Variants in PPEF2 observed in about 807,000 individuals in gnomAD.
PPEF2 encodes the protein protein phosphatase with EF-hand domain 2, also known as serine/threonine-protein phosphatase with EF-hands 2.
PPEF2 carries 84 observed loss-of-function variants against 84.7 expected under a neutral mutation model. The observed-to-expected ratio is 0.99, with a 90% CI of 0.83 to 1.19. The LOEUF (loss-of-function observed/expected upper bound fraction) is 1.19. Ranked by LOEUF, PPEF2 falls within the 50% of genes most tolerant of loss-of-function variation. The pLI, the probability that PPEF2 is intolerant of heterozygous loss-of-function variation, is 0.00. For missense variants in PPEF2, 924 were observed against 937.5 expected (o/e 0.99, Z 0.19); for synonymous variants, 346 against 345.2 (o/e 1.00, Z -0.03).
intron 16 of PPEF2, among the ~76,000 whole-genome samples, chr4:75,863,397 G>A (rs2149213109): frequency 6.6e-6 from 1 of 151,842 alleles, no homozygotes. Flanking sequence ...CTACTCAGGA[G>A]GCTGAGGCAG....
At chr4:75,873,915 T>C (rs1724346482) in intron 11 of PPEF2, among the ~76,000 whole-genome samples, 1 of 151,968 alleles carries the variant, frequency 6.6e-6, no homozygotes, top group Admixed American at 6.6e-5. Flanking sequence ...AAGACCAGCC[T>C]GGTCAACATG....
intron 2 of PPEF2, 109 bp from the exon 3 acceptor site, chr4:75,892,087 C>CA: frequency 7.2e-7 from 1 of 1,388,552 alleles, no homozygotes; most frequent in Non-Finnish European, 9.8e-7. Context: ...TATGTGAGGA[C>CA]AAGATGGAGC....
chr4:75,875,797 G>A (rs1724392389), intron 11 of PPEF2, among the ~76,000 whole-genome samples: 1 of 152,042 alleles, frequency 6.6e-6, no homozygotes, highest in Non-Finnish European at 1.5e-5. Context: ...CTTCCGTACT[G>A]ACAGAACTGC....
chr4:75,895,941 C>G (rs1725000129), intron 2 of PPEF2, among the ~76,000 whole-genome samples: 1 of 152,036 alleles, frequency 6.6e-6, no homozygotes, highest in South Asian at 2.1e-4. Flanking sequence ...TTCTTCCCAC[C>G]TCATGACCTT....
intron 10 of PPEF2, among the ~76,000 whole-genome samples, chr4:75,879,803 T>G (rs1282908349): frequency 1.3e-5 from 2 of 150,790 alleles, no homozygotes; most frequent in Non-Finnish European, 2.9e-5. Flanking sequence ...TGCTTAAATA[T>G]TACTTGAATT....
chr4:75,876,482 G>C lies in PPEF2; in HGVS notation c.1125C>G (p.Ile375Met), dbSNP rs1578005965. 2 of 1,613,980 alleles carry C rather than the reference G, an allele frequency of 1.2e-6. No homozygotes were observed. Among genetic ancestry groups the C allele is most frequent in the Non-Finnish European group, 8.5e-7 (1 of 1,179,900 alleles). Residue 375 changes from isoleucine (I) to methionine (M), a missense_variant, in exon 11 of 17, where the codon ATC becomes ATG. Ile to Met is a conservative substitution (Grantham distance 10). Transcript: ENST00000286719. ...GCCCGTCCAGGGAACCGCTGCAGGG[G>C]ATGCTGGAGGACCTGCTGGTTTTCT... Reference protein sequence around the residue: ...KAQKTSRSSSIPCSGSLDGRE... With the variant: ...KAQKTSRSSSMPCSGSLDGRE...
chr4:75,880,073 C>T lies in PPEF2; in HGVS notation c.933+2853G>A, dbSNP rs577397484. On this transcript the variant is annotated intron_variant, in intron 10 of 16. Transcript: ENST00000286719. ...TCCATCTCTTGACCTCGTGATCCGC[C>T]CGCCTCGGCCTCCCAAAATGCTGGG... Among the ~76,000 whole-genome samples the T allele has an allele frequency of 1.6e-3, 240 of 152,210 alleles. 1 individual carries two copies. Among genetic ancestry groups the T allele is most frequent in the African/African-American group, 5.6e-3 (231 of 41,540 alleles).
intron 16 of PPEF2, among the ~76,000 whole-genome samples, 191 bp from the exon 17 acceptor site, chr4:75,861,111 T>C (rs1395316992): frequency 6.6e-6 from 1 of 152,126 alleles, no homozygotes; most frequent in African/African-American, 2.4e-5. Flanking sequence ...CTGGGAGTAA[T>C]TGTGCTCCCC....
chr4:75,876,191 A>AG, intron 11 of PPEF2, 96 bp downstream of exon 11: 1 of 1,455,088 alleles, frequency 6.9e-7, no homozygotes, highest in South Asian at 1.4e-5. Context: ...AGAAAGAGAA[A>AG]GAGGGGCCTC....
Position 75,890,133 on chromosome 4 carries a change from C to T in PPEF2, c.242-1G>A, listed in dbSNP as rs1462890200. Reference sequence around the variant, plus strand: ...GTGAATATGCGGGTCAGGAAGTCCCCTAGTCCAGATAGAAAAGGTGGATCA... The same window carrying T: ...GTGAATATGCGGGTCAGGAAGTCCCTTAGTCCAGATAGAAAAGGTGGATCA... On this transcript the variant is annotated splice_acceptor_variant, in intron 4 of 16. Coordinates refer to ENST00000286719, the MANE Select transcript of PPEF2 (RefSeq NM_006239.3). LOFTEE classifies it high-confidence loss of function. The T allele has an allele frequency of 1.9e-6, 3 of 1,613,606 alleles. No individual in the cohort carries two copies. The highest frequency in any genetic ancestry group is 1.3e-5 in the African/African-American group (1 of 74,870).
intron 6 of PPEF2, among the ~76,000 whole-genome samples, chr4:75,887,987 G>A (rs1478403161): frequency 6.6e-6 from 1 of 152,124 alleles, no homozygotes; most frequent in African/African-American, 2.4e-5. Context: ...GAATTGCTTG[G>A]GAAAATAAAG....
Position 75,867,413 on chromosome 4 carries a change from G to A in PPEF2, c.1656C>T (p.Ser552=). Residue 552 remains serine, a synonymous_variant, in exon 14 of 17, where the codon AGC becomes AGT. Coordinates refer to ENST00000286719, the MANE Select transcript of PPEF2 (RefSeq NM_006239.3). ...THTLTMRQRI[S]RVEESALRAL... ...CTCTCAGAGCCGACTCCTCCACTCT[G>A]CTAATCCTGGGACAGGAGATGAAAA... 6.2e-7 allele frequency: 1 copy of A among 1,611,548 alleles called. No individual in the cohort carries two copies. Among genetic ancestry groups the A allele is most frequent in the Non-Finnish European group, 8.5e-7 (1 of 1,178,226 alleles).
chr4:75,893,719 G>A (rs1724944532), intron 2 of PPEF2, among the ~76,000 whole-genome samples: 1 of 152,206 alleles, frequency 6.6e-6, no homozygotes, highest in African/African-American at 2.4e-5. Context: ...CACTGAAGAA[G>A]ATCATGGACA....
intron 8 of PPEF2, among the ~76,000 whole-genome samples, chr4:75,884,115 A>AT (rs1226721832): frequency 6.6e-6 from 1 of 152,008 alleles, no homozygotes; most frequent in Non-Finnish European, 1.5e-5. Context: ...GGGCAACAAG[A>AT]GTGAAACTCC....
rs1236654615 is a variant in PPEF2 at position 75,887,320 on chromosome 4, T to A, written c.533-422A>T. On this transcript the variant is annotated intron_variant, in intron 6 of 16. Transcript: ENST00000286719. ...ATCCTCCAAATTTCCAATGTTGAAA[T>A]ACCATTTTTAAAAGTTTATGGGCCG... is the stretch of plus-strand genomic sequence containing the variant. Among the ~76,000 whole-genome samples, 17 of 152,304 alleles carry A rather than the reference T, an allele frequency of 1.1e-4. No individual in the cohort carries two copies. In the South Asian group the frequency reaches 3.5e-3, roughly 32 times the overall value.
In PPEF2 at chr4:75,866,344, T is replaced by C. The variant is rs764651989; in HGVS notation, c.1765A>G (p.Thr589Ala). ...ACCGCTGCTGCCCAGTCACTCAAGG[T>C]GATTAAACCTACAGGTGAGAGCTAA... Reference protein sequence around the residue: ...KHDADKVGLITLSDWAAAVES... With the variant: ...KHDADKVGLIALSDWAAAVES... Residue 589 changes from threonine (T) to alanine (A), a missense_variant, in exon 15 of 17, where the codon ACC (threonine) becomes GCC (alanine). Thr to Ala is a moderately conservative substitution (Grantham distance 58, BLOSUM62 0). Coordinates refer to ENST00000286719, the MANE Select transcript of PPEF2 (RefSeq NM_006239.3). The C allele has an allele frequency of 6.2e-7, 1 of 1,613,090 alleles. No homozygotes were observed. Among genetic ancestry groups the C allele is most frequent in the Non-Finnish European group, 8.5e-7 (1 of 1,179,488 alleles).
In PPEF2 at chr4:75,883,452, A is replaced by G. The variant is rs1393182238; in HGVS notation, c.747-250T>C. On this transcript the variant is annotated intron_variant, in intron 8 of 16. Coordinates refer to ENST00000286719, the MANE Select transcript of PPEF2 (RefSeq NM_006239.3). Reference sequence around the variant, plus strand: ...TTACTATCATGAATCTCTATTATTTATATGATAGAGTATGTGTATGCAAAA... The same window carrying G: ...TTACTATCATGAATCTCTATTATTTGTATGATAGAGTATGTGTATGCAAAA... 5 of 520,694 alleles carry G rather than the reference A, an allele frequency of 9.6e-6. No homozygotes were observed. In the Admixed American group the frequency reaches 1.7e-4, roughly 17 times the overall value. 32.3% of individuals were successfully genotyped at this position (520,694 alleles called of 1,614,324 possible). A position where few individuals can be genotyped will look rare whatever the true frequency, so the allele number is the denominator to read the frequency against.
At chr4:75,893,375 G>A (rs1724934047) in intron 2 of PPEF2, among the ~76,000 whole-genome samples, 1 of 152,130 alleles carries the variant, frequency 6.6e-6, no homozygotes, top group South Asian at 2.1e-4. Flanking sequence ...GCAGGCATCT[G>A]TAATCCCAGC....
chr4:75,877,668 TTCTC>T (rs1724463047), intron 10 of PPEF2, among the ~76,000 whole-genome samples: 1 of 126,950 alleles, frequency 7.9e-6, no homozygotes, highest in Admixed American at 7.4e-5. Flanking sequence ...TGTATTTCCT[TTCTC>T]TTTTTTTTTT....
Sources: allele counts gnomAD v4.1 joint callset (sites outside exome capture counted in the v4.1 genomes callset), GRCh38; gene constraint gnomAD v4.1.1; transcripts MANE v1.5; gene names NCBI Gene and HGNC (gene_info 2026-07-23, HGNC 2026-07-21).